The following DIAPH3 variants were observed in gnomAD, a reference collection of about 807,000 sequenced individuals.
DIAPH3 encodes protein diaphanous homolog 3.
In DIAPH3, 117 loss-of-function variants were observed where a neutral mutation model predicts 144.3. That is an observed-to-expected ratio of 0.81 (90% CI 0.70 to 0.95). The LOEUF is 0.95. Among genes scored for constraint, DIAPH3 ranks in the 40% least tolerant of loss-of-function variants. The pLI is 0.00. For synonymous variants in DIAPH3, 519 were observed against 488.9 expected, an observed-to-expected ratio of 1.06 and a Z score of -0.81; for missense variants, 1,421 against 1,412.7, an observed-to-expected ratio of 1.01 and a Z score of -0.09.
intron 17 of DIAPH3, among the ~76,000 whole-genome samples, chr13:59,950,415 A>C (rs1180646125): frequency 6.6e-6 from 1 of 152,148 alleles, no homozygotes; most frequent in Non-Finnish European, 1.5e-5. Context: ...CATCCATCCA[A>C]CAAGCTTATT....
intron 20 of DIAPH3, among the ~76,000 whole-genome samples, chr13:59,884,450 T>C (rs1312057678): frequency 2.0e-5 from 3 of 152,178 alleles, no homozygotes; most frequent in Non-Finnish European, 2.9e-5. Context: ...AACCATTCAC[T>C]GGTGCTAAAA....
intron 9 of DIAPH3, among the ~76,000 whole-genome samples, chr13:59,998,540 A>G (rs970405390): frequency 6.6e-6 from 1 of 152,140 alleles, no homozygotes; most frequent in Non-Finnish European, 1.5e-5. Flanking sequence ...CTAGTTGTCC[A>G]CTGTAGAATA....
chr13:59,953,269 C>T (rs1261290435), intron 17 of DIAPH3, among the ~76,000 whole-genome samples: 1 of 151,984 alleles, frequency 6.6e-6, no homozygotes, highest in Non-Finnish European at 1.5e-5. Flanking sequence ...ATGAAGGTTG[C>T]CCAGTATGGT....
chr13:59,843,799 C>T (rs1054638037), intron 22 of DIAPH3, among the ~76,000 whole-genome samples: 10 of 152,098 alleles, frequency 6.6e-5, no homozygotes, highest in African/African-American at 1.7e-4. Context: ...AAGAAAGCAG[C>T]GTGAGAATTC....
intron 25 of DIAPH3, among the ~76,000 whole-genome samples, chr13:59,779,817 G>A (rs760824259): frequency 2.2e-4 from 33 of 152,130 alleles, no homozygotes; most frequent in Non-Finnish European, 1.8e-4. Flanking sequence ...CACGGCCGAG[G>A]GAAGTCTTTT....
chr13:59,898,343 T>C (rs911103791), intron 20 of DIAPH3, among the ~76,000 whole-genome samples: 1 of 152,024 alleles, frequency 6.6e-6, no homozygotes, highest in Non-Finnish European at 1.5e-5. Context: ...AAGAAACTCA[T>C]ACAACGTTTC....
intron 24 of DIAPH3, among the ~76,000 whole-genome samples, chr13:59,831,500 T>C (rs2041778712): frequency 6.6e-6 from 1 of 151,878 alleles, no homozygotes; most frequent in South Asian, 2.1e-4. Context: ...CCTGGGAAGC[T>C]TCTGTGAGTC....
At chr13:60,063,428 T>C (rs552564142) in intron 4 of DIAPH3, among the ~76,000 whole-genome samples, 1 of 152,322 alleles carries the variant, frequency 6.6e-6, no homozygotes, top group Non-Finnish European at 1.5e-5. Flanking sequence ...TTAATGTTCA[T>C]AGATAGACCT....
chr13:59,806,787 AAAT>A (rs762877848), intron 25 of DIAPH3, among the ~76,000 whole-genome samples: 38 of 152,062 alleles, frequency 2.5e-4, no homozygotes, highest in Admixed American at 2.2e-3. Flanking sequence ...TTTACCAATA[AAAT>A]AATAATAGAA....
intron 23 of DIAPH3, among the ~76,000 whole-genome samples, chr13:59,834,085 A>G (rs2041920768): frequency 6.6e-6 from 1 of 151,656 alleles, no homozygotes; most frequent in Non-Finnish European, 1.5e-5. Context: ...TTCTTCTCTC[A>G]CTCATGACAA....
intron 4 of DIAPH3, among the ~76,000 whole-genome samples, chr13:60,046,986 G>A (rs894855310): frequency 6.6e-6 from 1 of 152,066 alleles, no homozygotes; most frequent in Admixed American, 6.5e-5. Flanking sequence ...GGGTTGGGGG[G>A]CTAAGAGAGG....
intron 27 of DIAPH3, among the ~76,000 whole-genome samples, chr13:59,692,662 C>T (rs1002065121): frequency 6.6e-6 from 1 of 152,062 alleles, no homozygotes; most frequent in Non-Finnish European, 1.5e-5. Context: ...AGGGTACACT[C>T]TTTTGCCATG....
intron 17 of DIAPH3, among the ~76,000 whole-genome samples, chr13:59,959,751 C>T (rs2140489554): frequency 6.6e-6 from 1 of 152,242 alleles, no homozygotes; most frequent in Middle Eastern, 3.4e-3. Flanking sequence ...ATTAGTGAGA[C>T]CCATACTGGA....
At position 60,073,009 on chromosome 13, in the gene DIAPH3, T is replaced by C. The variant is rs942245610; in HGVS notation, c.495+20619A>G. Among the ~76,000 whole-genome samples the C allele has an allele frequency of 3.3e-5, 5 of 152,230 alleles. No individual in the cohort carries two copies. In the East Asian group the frequency reaches 7.7e-4, roughly 23 times the overall value. On this transcript the variant is annotated intron_variant, in intron 4 of 27. Transcript: ENST00000400324. ...ATAATATATTACTTTTGAAAAGTTG[T>C]GTTATGATGAAAATATAGGCCGGGC...
At chr13:59,949,418 T>C (rs147252440) in intron 17 of DIAPH3, among the ~76,000 whole-genome samples, 39 of 152,306 alleles carry the variant, frequency 2.6e-4, no homozygotes, top group African/African-American at 3.6e-4. Context: ...CTACTTGTGA[T>C]TGGTGCTCCT....
chr13:59,691,385 A>G (rs2033513676), intron 27 of DIAPH3, among the ~76,000 whole-genome samples: 1 of 152,182 alleles, frequency 6.6e-6, no homozygotes, highest in Non-Finnish European at 1.5e-5. Context: ...CTATGAGATC[A>G]GATCAAAGAT....
At position 60,014,543 on chromosome 13, in the gene DIAPH3, CA is replaced by C. The variant is rs1024787224; in HGVS notation, c.771+1369del. ...CTTAAAAATACACAGTTTAACAAGA[CA>C]AAAATAATTAGAAAATATAAATATT... On this transcript the variant is annotated intron_variant, in intron 7 of 27. Transcript: ENST00000400324. Among the ~76,000 whole-genome samples the C allele has an allele frequency of 1.3e-4, 19 of 151,672 alleles. No homozygotes were observed. In the East Asian group the frequency reaches 3.5e-3, roughly 28 times the overall value.
intron 17 of DIAPH3, among the ~76,000 whole-genome samples, chr13:59,929,995 T>C (rs1173319701): frequency 1.3e-5 from 2 of 152,202 alleles, no homozygotes; most frequent in African/African-American, 2.4e-5. Flanking sequence ...ATCTTGACAA[T>C]TTCTGAACTT....
intron 19 of DIAPH3, among the ~76,000 whole-genome samples, chr13:59,912,785 A>T (rs2047055508): frequency 1.3e-5 from 2 of 152,172 alleles, no homozygotes; most frequent in African/African-American, 4.8e-5. Context: ...ATATATATTT[A>T]TGGGGGGAAA....
Sources: allele counts gnomAD v4.1 joint callset (sites outside exome capture counted in the v4.1 genomes callset), GRCh38; gene constraint gnomAD v4.1.1; transcripts MANE v1.5; gene names NCBI Gene and HGNC (gene_info 2026-07-23, HGNC 2026-07-21).